EXOC4: variants seen among roughly 807,000 people sequenced by gnomAD.
EXOC4 encodes the protein exocyst complex component 4.
In EXOC4, 71 loss-of-function variants were observed where a neutral mutation model predicts 107.2. The ratio of observed to expected loss-of-function variants is 0.66; its 90% CI spans 0.55 to 0.81. The LOEUF is 0.81. Among genes scored for constraint, EXOC4 ranks in the 30% least tolerant of loss-of-function variants. The pLI, the probability that EXOC4 is intolerant of heterozygous loss-of-function variation, is 0.00. For missense variants in EXOC4, 1,108 were observed against 1,189.6 expected (o/e 0.93, Z 1.01); for synonymous variants, 456 against 441.2 (o/e 1.03, Z -0.42).
chr7:133,446,274 A>G (rs1383367133), intron 7 of EXOC4, among the ~76,000 whole-genome samples: 2 of 152,138 alleles, frequency 1.3e-5, no homozygotes, highest in African/African-American at 4.8e-5. Flanking sequence ...AAAACCTCTC[A>G]ATAAAACTGT....
At chr7:134,034,074 T>C (rs1266865065) in intron 17 of EXOC4, among the ~76,000 whole-genome samples, 1 of 151,884 alleles carries the variant, frequency 6.6e-6, no homozygotes, top group Non-Finnish European at 1.5e-5. Flanking sequence ...ACGTCGTGTC[T>C]AAAAGAGACT....
chr7:133,681,733 C>T (rs1794191687), intron 10 of EXOC4, among the ~76,000 whole-genome samples: 1 of 151,794 alleles, frequency 6.6e-6, no homozygotes, highest in Non-Finnish European at 1.5e-5. Context: ...GATTAGCTTG[C>T]ATATTGTATG....
At chr7:133,317,157 G>A in intron 4 of EXOC4, 127 bp from the exon 5 acceptor site, 1 of 669,046 alleles carries the variant, frequency 1.5e-6, no homozygotes, top group East Asian at 2.6e-5. Context: ...AGTATATACT[G>A]GGGAGATCCA....
intron 10 of EXOC4, among the ~76,000 whole-genome samples, chr7:133,765,527 A>G (rs1325090223): frequency 6.6e-5 from 10 of 151,998 alleles, no homozygotes; most frequent in Non-Finnish European, 1.5e-4. Flanking sequence ...TTATTTCTTG[A>G]TCACTAAAAC....
intron 10 of EXOC4, among the ~76,000 whole-genome samples, chr7:133,656,330 A>T (rs1447062465): frequency 1.3e-5 from 2 of 152,084 alleles, no homozygotes; most frequent in African/African-American, 4.8e-5. Flanking sequence ...GAGTTTGAAT[A>T]TTGGAAGAAA....
chr7:133,766,206 C>T lies in EXOC4; in HGVS notation c.1515-51119C>T, dbSNP rs1239800509. On this transcript the variant is annotated intron_variant, in intron 10 of 17. Coordinates refer to ENST00000253861, the MANE Select transcript of EXOC4 (RefSeq NM_021807.4). ...GAAAAAAGAGATAGCTTTATAATTA[C>T]TATGTAAGAACTATGAAGTGGGAAA... is the stretch of plus-strand genomic sequence containing the variant. Among the ~76,000 whole-genome samples the T allele has an allele frequency of 3.3e-5, 5 of 152,002 alleles. No homozygotes were observed. The East Asian group carries it at 9.7e-4, about 29-fold the overall frequency.
At chr7:133,293,515 G>A (rs1034834056) in intron 3 of EXOC4, among the ~76,000 whole-genome samples, 1 of 152,206 alleles carries the variant, frequency 6.6e-6, no homozygotes, top group African/African-American at 2.4e-5. Flanking sequence ...TAAGGCAGAT[G>A]CAGATGCTTA....
chr7:133,982,328 A>T (rs1160963743), intron 14 of EXOC4, among the ~76,000 whole-genome samples: 4 of 152,158 alleles, frequency 2.6e-5, no homozygotes, highest in African/African-American at 9.7e-5. Context: ...CGAGGCGGGC[A>T]GATCACGAGG....
intron 10 of EXOC4, among the ~76,000 whole-genome samples, chr7:133,667,902 G>A (rs1334605334): frequency 6.6e-6 from 1 of 152,128 alleles, no homozygotes; most frequent in Admixed American, 6.5e-5. Context: ...AATAGACTGT[G>A]CAACCAAAAA....
intron 10 of EXOC4, among the ~76,000 whole-genome samples, chr7:133,635,983 G>A (rs1007223927): frequency 7.2e-5 from 11 of 152,148 alleles, no homozygotes; most frequent in African/African-American, 2.4e-4. Flanking sequence ...CGTCCTTTTA[G>A]CATTGGAGCC....
chr7:133,709,252 CAT>C (rs1481865860), intron 10 of EXOC4, among the ~76,000 whole-genome samples: 13 of 152,124 alleles, frequency 8.5e-5, no homozygotes, highest in African/African-American at 1.9e-4. Context: ...GCTGTAGAAA[CAT>C]ATAGATTTTG....
intron 9 of EXOC4, among the ~76,000 whole-genome samples, chr7:133,560,953 G>T (rs968355198): frequency 1.3e-5 from 2 of 151,958 alleles, no homozygotes; most frequent in Non-Finnish European, 2.9e-5. Context: ...AATCAAAGAG[G>T]TTTAAAGATA....
chr7:133,369,442 C>T (rs889043365), intron 6 of EXOC4, among the ~76,000 whole-genome samples: 1 of 152,130 alleles, frequency 6.6e-6, no homozygotes, highest in Admixed American at 6.6e-5. Flanking sequence ...CACTGGGGAC[C>T]TTAAGTTGTA....
chr7:133,525,019 T>C (rs973244830), intron 9 of EXOC4, among the ~76,000 whole-genome samples: 1 of 152,208 alleles, frequency 6.6e-6, no homozygotes, highest in Non-Finnish European at 1.5e-5. Flanking sequence ...TGTCAGTGCA[T>C]TTGAAATCCT....
intron 9 of EXOC4, among the ~76,000 whole-genome samples, chr7:133,481,413 A>G (rs1291986553): frequency 6.6e-6 from 1 of 152,106 alleles, no homozygotes; most frequent in Non-Finnish European, 1.5e-5. Flanking sequence ...CGTTGGGCTC[A>G]CGTAGCATTT....
At chr7:133,285,866 C>T (rs1334376074) in intron 2 of EXOC4, among the ~76,000 whole-genome samples, 1 of 151,458 alleles carries the variant, frequency 6.6e-6, no homozygotes, top group Non-Finnish European at 1.5e-5. Flanking sequence ...CTCCAGTAAT[C>T]CTACTGACTC....
At chr7:133,773,876 T>C (rs1029969947) in intron 10 of EXOC4, among the ~76,000 whole-genome samples, 8 of 152,062 alleles carry the variant, frequency 5.3e-5, no homozygotes, top group African/African-American at 1.9e-4. Context: ...GTTTGAGATT[T>C]GTTTCGTTTT....
At chr7:133,645,862 T>G (rs530118909) in intron 10 of EXOC4, among the ~76,000 whole-genome samples, 2 of 152,324 alleles carry the variant, frequency 1.3e-5, no homozygotes, top group South Asian at 4.2e-4. Flanking sequence ...GAGGACTAGT[T>G]TTTATTTAGG....
chr7:133,262,388 G>A (rs958681257), intron 1 of EXOC4, among the ~76,000 whole-genome samples: 7 of 151,748 alleles, frequency 4.6e-5, no homozygotes, highest in Non-Finnish European at 1.0e-4. Context: ...ATGTGCTAGG[G>A]GTTTAGCTTT....
Sources: gnomAD v4.1 joint callset for allele counts (sites outside exome capture counted in the v4.1 genomes callset) on GRCh38, gnomAD v4.1.1 for gene constraint, MANE v1.5 for transcripts, NCBI Gene and HGNC (gene_info 2026-07-23, HGNC 2026-07-21) for gene names.